MAP3K5: variants seen among roughly 807,000 people sequenced by gnomAD.
The protein encoded by MAP3K5 is ASK-1.
MAP3K5 carries 56 observed loss-of-function variants against 158.7 expected under a neutral mutation model. The observed-to-expected ratio is 0.35, with a 90% CI of 0.28 to 0.44. The LOEUF is 0.44. Ranked by LOEUF, MAP3K5 falls within the 20% of genes least tolerant of loss-of-function variation. The pLI is 1.00. For missense variants in MAP3K5, 1,294 were observed against 1,674.8 expected (o/e 0.77, Z 3.97); for synonymous variants, 579 against 601.7 (o/e 0.96, Z 0.55).
rs962338435 is a variant in MAP3K5 at position 136,603,793 on chromosome 6, C to CTCA, written c.2679+1413_2679+1415dup. Among the ~76,000 whole-genome samples, 70 of 152,224 alleles carry CTCA rather than the reference C, an allele frequency of 4.6e-4. 1 individual carries two copies. Among genetic ancestry groups the CTCA allele is most frequent in the African/African-American group, 1.5e-3 (63 of 41,458 alleles). On this transcript the variant is annotated intron_variant, in intron 19 of 29. Transcript: ENST00000359015. ...CTGGCCAAGAAGAGAAAGACATCCA[C>CTCA]TCATGGCAAGAAAGGCACCTCTCTT...
intron 7 of MAP3K5, among the ~76,000 whole-genome samples, chr6:136,677,417 G>A (rs112346562): frequency 7.2e-4 from 109 of 152,266 alleles, no homozygotes; most frequent in African/African-American, 1.9e-3. Context: ...GATTACAGGC[G>A]TGGGCCACCG....
Position 136,651,051 on chromosome 6 carries a change from TAAG to T in MAP3K5, c.1718_1720del (p.Ser573del), listed in dbSNP as rs1477509900. The T allele has an allele frequency of 6.2e-7, 1 of 1,611,266 alleles. No individual in the cohort carries two copies. Among genetic ancestry groups the T allele is most frequent in the Admixed American group, 1.7e-5 (1 of 59,882 alleles). On this transcript the variant is annotated inframe_deletion, in exon 11 of 30. Coordinates refer to ENST00000359015, the MANE Select transcript of MAP3K5 (RefSeq NM_005923.4). ...CTCAACTTCATTGTTGATAGACAAA[TAAG>T]AAGGTTGATAGATTTTGGTTGGTTC...
chr6:136,587,866 A>C (rs1180410492), intron 23 of MAP3K5, among the ~76,000 whole-genome samples: 1 of 152,186 alleles, frequency 6.6e-6, no homozygotes, highest in Non-Finnish European at 1.5e-5. Flanking sequence ...CTTTAAAACC[A>C]GGAGGCACCA....
Position 136,623,010 on chromosome 6 carries a change from T to G in MAP3K5, c.2017-29A>C, listed in dbSNP as rs774404677. On this transcript the variant is annotated intron_variant, in intron 14 of 29. Transcript: ENST00000359015. Reference sequence around the variant, plus strand: ...CAAAAGGAAAAACGGGGAGAAAAGATCAAAACATTAGTTCATTCTACATTT... The same window carrying G: ...CAAAAGGAAAAACGGGGAGAAAAGAGCAAAACATTAGTTCATTCTACATTT... 3.7e-6 allele frequency: 6 copies of G among 1,608,504 alleles called. No individual in the cohort carries two copies. In the South Asian group the frequency reaches 6.6e-5, roughly 18 times the overall value.
intron 17 of MAP3K5, among the ~76,000 whole-genome samples, chr6:136,612,526 T>C (rs1776388927): frequency 6.6e-6 from 1 of 152,218 alleles, no homozygotes; most frequent in Admixed American, 6.5e-5. Flanking sequence ...TTTTGGTTGA[T>C]TTTAGGGTAC....
intron 7 of MAP3K5, among the ~76,000 whole-genome samples, chr6:136,675,978 T>A (rs1191673053): frequency 1.3e-5 from 2 of 152,204 alleles, no homozygotes; most frequent in East Asian, 3.8e-4. Flanking sequence ...AACAACTTTA[T>A]GCCAATAAAT....
At chr6:136,633,423 A>ATG (rs887996020) in intron 14 of MAP3K5, among the ~76,000 whole-genome samples, 64 of 142,662 alleles carry the variant, frequency 4.5e-4, no homozygotes, top group African/African-American at 1.6e-3. Flanking sequence ...AAATAAATAT[A>ATG]TGTATATATA....
In MAP3K5 at chr6:136,763,762, C is replaced by T. The variant is rs117784563; in HGVS notation, c.448+27948G>A. Reference sequence around the variant, plus strand: ...GGTGAAATTTAATCTCCAATATGGGCGTATTGAGAGGTGGGGCCTCTAGGA... The same window carrying T: ...GGTGAAATTTAATCTCCAATATGGGTGTATTGAGAGGTGGGGCCTCTAGGA... On this transcript the variant is annotated intron_variant, in intron 1 of 29. Coordinates refer to ENST00000359015, the MANE Select transcript of MAP3K5 (RefSeq NM_005923.4). Among the ~76,000 whole-genome samples, 602 of 152,170 alleles carry T rather than the reference C, an allele frequency of 4.0e-3. 17 individuals are homozygous for T. The South Asian group carries it at 0.058, about 15-fold the overall frequency.
intron 11 of MAP3K5, among the ~76,000 whole-genome samples, chr6:136,644,338 C>T (rs1290603241): frequency 2.0e-5 from 3 of 152,148 alleles, no homozygotes; most frequent in African/African-American, 7.2e-5. Flanking sequence ...CACAAGGAGG[C>T]GCTGATGAGC....
At chr6:136,573,274 C>T (rs558690556) in intron 25 of MAP3K5, among the ~76,000 whole-genome samples, 5 of 152,294 alleles carry the variant, frequency 3.3e-5, no homozygotes, top group African/African-American at 9.6e-5. Context: ...CACCTTCTCC[C>T]GCTCTTGGAT....
intron 17 of MAP3K5, among the ~76,000 whole-genome samples, chr6:136,612,233 T>A (rs1350226308): frequency 1.3e-5 from 2 of 152,216 alleles, no homozygotes; most frequent in Non-Finnish European, 2.9e-5. Context: ...TGTATTAAAC[T>A]CTTTCTCAAT....
chr6:136,565,156 A>G (rs1487132896), intron 26 of MAP3K5, among the ~76,000 whole-genome samples: 1 of 152,236 alleles, frequency 6.6e-6, no homozygotes, highest in Non-Finnish European at 1.5e-5. Flanking sequence ...GAGTATTGAC[A>G]GCCCACCTCA....
chr6:136,659,746 G>T (rs749138367), intron 8 of MAP3K5, among the ~76,000 whole-genome samples: 10 of 152,184 alleles, frequency 6.6e-5, no homozygotes, highest in Admixed American at 1.3e-4. Context: ...ATAGTTTAAC[G>T]TGTACAGAGT....
chr6:136,583,804 T>C (rs1774995100), intron 23 of MAP3K5, 64 bp from the exon 24 acceptor site: 12 of 1,437,898 alleles, frequency 8.3e-6, no homozygotes, highest in Middle Eastern at 1.8e-4. Flanking sequence ...ATGGTAATCC[T>C]ATCTCCATAC....
chr6:136,650,998 G>A lies in MAP3K5; in HGVS notation c.1774C>T (p.Leu592Phe). ...EEKTISIWHVLPDDKKGIHEW... is the reference protein window; with the variant it reads ...EEKTISIWHVFPDDKKGIHEW... ...GCACAATTTACCTTGTCATCAGGAA[G>A]CACGTGCCAAATAGAGATTGTCTTT... The change falls in exon 11 of 30, where the codon CTT (leucine) becomes TTT (phenylalanine). Residue 592 changes from leucine (L) to phenylalanine (F), a missense_variant. Leu to Phe is a conservative substitution (Grantham distance 22, BLOSUM62 0). This residue lies in a region of MAP3K5 where 690 missense variants were observed against 870.5 expected (regional missense o/e 0.79). Transcript: ENST00000359015. 6.2e-7 allele frequency: 1 copy of A among 1,608,408 alleles called. No individual in the cohort carries two copies. The highest frequency in any genetic ancestry group is 8.5e-7 in the Non-Finnish European group (1 of 1,175,694).
At position 136,694,124 on chromosome 6, in the gene MAP3K5, T is replaced by C. The variant is rs765881151; in HGVS notation, c.1253+16A>G. 6.3e-7 allele frequency: 1 copy of C among 1,596,998 alleles called. No individual in the cohort carries two copies. Among genetic ancestry groups the C allele is most frequent in the Admixed American group, 1.8e-5 (1 of 56,192 alleles). ...ATTTACTAAGTAAGTAGCTCATTTA[T>C]ATACTATTTACTTACCAAGAAGCTC... On this transcript the variant is annotated intron_variant, in intron 7 of 29. Coordinates refer to ENST00000359015, the MANE Select transcript of MAP3K5 (RefSeq NM_005923.4).
chr6:136,789,632 C>T (rs1784985599), intron 1 of MAP3K5, among the ~76,000 whole-genome samples: 1 of 147,502 alleles, frequency 6.8e-6, no homozygotes, highest in African/African-American at 2.5e-5. Flanking sequence ...CTGAGAGTAA[C>T]TCAGCCCACC....
intron 26 of MAP3K5, among the ~76,000 whole-genome samples, chr6:136,564,387 C>T (rs897193427): frequency 3.3e-5 from 5 of 152,080 alleles, no homozygotes; most frequent in Non-Finnish European, 7.4e-5. Context: ...AAGACAGCTG[C>T]AGGGTAAGTG....
At chr6:136,704,249 C>G (rs772389457) in intron 3 of MAP3K5, among the ~76,000 whole-genome samples, 132 of 152,046 alleles carry the variant, frequency 8.7e-4, no homozygotes, top group Non-Finnish European at 1.6e-3. Context: ...CTAGCTAGCT[C>G]TCAATATAAG....
Sources: allele counts gnomAD v4.1 joint callset (sites outside exome capture counted in the v4.1 genomes callset), GRCh38; gene constraint gnomAD v4.1.1; regional missense constraint gnomAD v4.1.1; transcripts MANE v1.5; gene names NCBI Gene and HGNC (gene_info 2026-07-23, HGNC 2026-07-21).